CHIC1: variants seen among roughly 807,000 people sequenced by gnomAD.
CHIC1 encodes the protein cysteine rich hydrophobic domain 1.
Under a neutral mutation model 18.5 loss-of-function variants are expected in CHIC1, and 7 were observed. The ratio of observed to expected loss-of-function variants is 0.38; its 90% CI spans 0.22 to 0.71. The LOEUF (loss-of-function observed/expected upper bound fraction) is 0.71. CHIC1 is among the 30% of genes least tolerant of loss of function. The probability of loss-of-function intolerance (pLI) is 0.49; values close to 1 mark genes in which losing one functional copy is unlikely to be tolerated. For missense variants in CHIC1, 159 were observed against 176.9 expected, an observed-to-expected ratio of 0.90 and a Z score of 0.57; for synonymous variants, 77 against 73.5, an observed-to-expected ratio of 1.05 and a Z score of -0.25.
chrX:73,591,290 A>G (rs1436580947), intron 3 of CHIC1, among the ~76,000 whole-genome samples: 2 of 110,386 alleles, frequency 1.8e-5, no homozygotes, highest in African/African-American at 6.6e-5. Context: ...TGACATGGGT[A>G]CAGGATGGTT....
intron 3 of CHIC1, among the ~76,000 whole-genome samples, chrX:73,677,474 A>T (rs771016371): frequency 4.5e-5 from 5 of 111,369 alleles, no homozygotes; most frequent in African/African-American, 1.6e-4. Flanking sequence ...GCCACCTTAC[A>T]GTTTGATCTC....
chrX:73,634,262 C>T (rs886431646), intron 3 of CHIC1, among the ~76,000 whole-genome samples: 6 of 112,198 alleles, frequency 5.3e-5, no homozygotes, highest in African/African-American at 6.5e-5. Flanking sequence ...TGCCCACCTG[C>T]TTCACTTGTT....
chrX:73,596,953 A>C (rs1303557901), intron 3 of CHIC1, among the ~76,000 whole-genome samples: 2 of 112,280 alleles, frequency 1.8e-5, no homozygotes, highest in African/African-American at 6.5e-5. Context: ...AATACCATTC[A>C]GGACATAGGC....
chrX:73,666,717 G>A (rs1280486200), intron 3 of CHIC1, among the ~76,000 whole-genome samples: 1 of 112,302 alleles, frequency 8.9e-6, no homozygotes, highest in African/African-American at 3.2e-5. Flanking sequence ...TCTGTGCTCT[G>A]AGAGACTATT....
chrX:73,626,606 A>G (rs1459214386), intron 3 of CHIC1, among the ~76,000 whole-genome samples: 1 of 110,423 alleles, frequency 9.1e-6, no homozygotes, highest in African/African-American at 3.3e-5. Flanking sequence ...CAGTATGCCA[A>G]TTGCTTTTTT....
chrX:73,642,461 T>C (rs1242803129), intron 3 of CHIC1, among the ~76,000 whole-genome samples: 3 of 108,979 alleles, frequency 2.8e-5, no homozygotes, highest in African/African-American at 3.3e-5. Context: ...TTCTCCCATT[T>C]TGTAGGTTGC....
intron 3 of CHIC1, among the ~76,000 whole-genome samples, chrX:73,638,002 A>G (rs1010256296): frequency 9.0e-6 from 1 of 111,359 alleles, no homozygotes; most frequent in African/African-American, 3.3e-5. Flanking sequence ...GGCTCTGTTC[A>G]GGAGCAGTTC....
chrX:73,665,035 A>G (rs1160712190), intron 3 of CHIC1, among the ~76,000 whole-genome samples: 1 of 112,253 alleles, frequency 8.9e-6, no homozygotes, highest in African/African-American at 3.2e-5. Flanking sequence ...AAATGGGTTC[A>G]TATACCTGAT....
chrX:73,642,360 G>A (rs1442123086), intron 3 of CHIC1, among the ~76,000 whole-genome samples: 1 of 111,472 alleles, frequency 9.0e-6, no homozygotes, highest in Non-Finnish European at 1.9e-5. Flanking sequence ...ACCTTTTGAT[G>A]GCGTTGTTTG....
At chrX:73,620,311 C>T (rs1412339596) in intron 3 of CHIC1, among the ~76,000 whole-genome samples, 1 of 111,971 alleles carries the variant, frequency 8.9e-6, no homozygotes, top group African/African-American at 3.2e-5. Flanking sequence ...AACTAATTTA[C>T]ACTCCCACCA....
At position 73,669,662 on chromosome X, in the gene CHIC1, G is replaced by C. The variant is rs776516762; in HGVS notation, c.508-9664G>C. On this transcript the variant is annotated intron_variant, in intron 3 of 5. Coordinates refer to ENST00000373502, the MANE Select transcript of CHIC1 (RefSeq NM_001039840.4). ...AGCAGTCTGGTGACAATCTGGCCAA[G>C]CCACTGTGCTGCGTTGCTGGGGAGC... Among the ~76,000 whole-genome samples the C allele has an allele frequency of 6.5e-4, 73 of 112,025 alleles. 1 individual carries two copies. The highest frequency in any genetic ancestry group is 1.3e-3 in the Non-Finnish European group (70 of 53,157).
At chrX:73,651,562 A>G (rs1488683214) in intron 3 of CHIC1, among the ~76,000 whole-genome samples, 1 of 111,182 alleles carries the variant, frequency 9.0e-6, no homozygotes, top group Non-Finnish European at 1.9e-5. Context: ...TGCAAAAATT[A>G]CATGCATTCC....
At chrX:73,625,964 C>T (rs1053545141) in intron 3 of CHIC1, among the ~76,000 whole-genome samples, 13 of 110,618 alleles carry the variant, frequency 1.2e-4, no homozygotes, top group African/African-American at 3.6e-4. Context: ...ATTGTTGCTG[C>T]AGTCTATTTC....
chrX:73,663,679 A>G (rs902480570), intron 3 of CHIC1, among the ~76,000 whole-genome samples: 7 of 110,593 alleles, frequency 6.3e-5, no homozygotes, highest in African/African-American at 2.3e-4. Context: ...TTTATTTCCA[A>G]GTTTTAAGGT....
chrX:73,569,722 G>A (rs1322254663), intron 1 of CHIC1, among the ~76,000 whole-genome samples: 1 of 111,342 alleles, frequency 9.0e-6, no homozygotes, highest in Non-Finnish European at 1.9e-5. Context: ...TGTACCTAAA[G>A]TTATTTAAGT....
At chrX:73,643,563 G>A (rs1202241193) in intron 3 of CHIC1, among the ~76,000 whole-genome samples, 15 of 111,447 alleles carry the variant, frequency 1.3e-4, no homozygotes, top group South Asian at 3.8e-4. Flanking sequence ...GGCTTTGTTC[G>A]TTTCTTTTTA....
intron 3 of CHIC1, among the ~76,000 whole-genome samples, chrX:73,659,057 G>A (rs954892557): frequency 7.2e-5 from 8 of 111,796 alleles, no homozygotes; most frequent in Admixed American, 1.9e-4. Flanking sequence ...TTTAGCACAG[G>A]TTTAATGACA....
chrX:73,622,142 T>C (rs1251936183), intron 3 of CHIC1, among the ~76,000 whole-genome samples: 1 of 112,244 alleles, frequency 8.9e-6, no homozygotes, highest in Non-Finnish European at 1.9e-5. Context: ...ATCAGGGATA[T>C]TGGCCTGAAA....
chrX:73,574,816 T>C (rs1285147574), intron 1 of CHIC1, among the ~76,000 whole-genome samples: 1 of 110,624 alleles, frequency 9.0e-6, no homozygotes, highest in Non-Finnish European at 1.9e-5. Context: ...CTTCTCTTTT[T>C]TCTTTGTTAT....
Sources: allele counts gnomAD v4.1 joint callset (sites outside exome capture counted in the v4.1 genomes callset), GRCh38; gene constraint gnomAD v4.1.1; transcripts MANE v1.5; gene names NCBI Gene and HGNC (gene_info 2026-07-23, HGNC 2026-07-21).